Variants in PKIB observed in about 807,000 individuals in gnomAD.
The protein encoded by PKIB is PKI-beta.
PKIB carries 2 observed loss-of-function variants against 4.5 expected under a neutral mutation model. The ratio of observed to expected loss-of-function variants is 0.44; its 90% CI spans 0.18 to 1.39. PKIB has a LOEUF of 1.39. PKIB is among the 40% of genes most tolerant of loss of function. The probability of loss-of-function intolerance (pLI) is 0.27; values close to 1 mark genes in which losing one functional copy is unlikely to be tolerated. For synonymous variants in PKIB, 38 were observed against 36.0 expected, an observed-to-expected ratio of 1.06 and a Z score of -0.20; for missense variants, 94 against 92.6, an observed-to-expected ratio of 1.02 and a Z score of -0.06.
intron 1 of PKIB, among the ~76,000 whole-genome samples, chr6:122,632,448 C>A (rs149652873): frequency 6.6e-6 from 1 of 152,124 alleles, no homozygotes; most frequent in African/African-American, 2.4e-5. Context: ...AGTGAAAGGG[C>A]GTCTGGTTAA....
intron 3 of PKIB, among the ~76,000 whole-genome samples, chr6:122,699,182 A>G (rs1331372113): frequency 6.6e-6 from 1 of 152,012 alleles, no homozygotes; most frequent in African/African-American, 2.4e-5. Flanking sequence ...GCGCACCAGC[A>G]TGGCACATGT....
intron 2 of PKIB, among the ~76,000 whole-genome samples, chr6:122,636,679 A>G (rs1457495858): frequency 6.6e-6 from 1 of 152,114 alleles, no homozygotes; most frequent in Non-Finnish European, 1.5e-5. Context: ...TTTAAAATCC[A>G]AAAAAGGATT....
chr6:122,582,453 A>G (rs1376022380), intron 2 of PKIB, among the ~76,000 whole-genome samples: 1 of 152,108 alleles, frequency 6.6e-6, no homozygotes, highest in Non-Finnish European at 1.5e-5. Context: ...TTTATATTCC[A>G]TAATGTGACA....
intron 2 of PKIB, among the ~76,000 whole-genome samples, chr6:122,663,126 T>C (rs1363108059): frequency 6.6e-6 from 1 of 152,206 alleles, no homozygotes; most frequent in Non-Finnish European, 1.5e-5. Flanking sequence ...TATCTGTTAA[T>C]ACCCACAGAT....
intron 2 of PKIB, among the ~76,000 whole-genome samples, chr6:122,572,616 A>C (rs1377523035): frequency 1.3e-5 from 2 of 151,918 alleles, no homozygotes; most frequent in Admixed American, 1.3e-4. Flanking sequence ...AAGGAAAAAA[A>C]AAACAAAGAT....
At chr6:122,653,558 G>A (rs888706913) in intron 2 of PKIB, among the ~76,000 whole-genome samples, 4 of 151,732 alleles carry the variant, frequency 2.6e-5, no homozygotes, top group African/African-American at 9.7e-5. Context: ...GGATGAGGTG[G>A]GGGGAATTTG....
chr6:122,577,812 G>C (rs934065733), intron 2 of PKIB, among the ~76,000 whole-genome samples: 1 of 151,718 alleles, frequency 6.6e-6, no homozygotes, highest in African/African-American at 2.4e-5. Flanking sequence ...AGGAGGCTGA[G>C]GCAGGAGAAT....
At position 122,547,434 on chromosome 6, in the gene PKIB, C is replaced by G. The variant is rs563869122; in HGVS notation, c.-247-38487C>G. 1.5e-4 allele frequency among the ~76,000 whole-genome samples: 23 copies of G among 152,210 alleles called. 1 individual carries two copies. In the South Asian group the frequency reaches 2.9e-3, roughly 19 times the overall value. ...CACTGCAACCTCCGCCTCCTGGATT[C>G]AAGCGATTCTCCTGCCTCAGCCTCC... On this transcript the variant is annotated intron_variant, in intron 2 of 6. Transcript: ENST00000392491.
At chr6:122,595,944 T>C (rs983071578) in intron 3 of PKIB, among the ~76,000 whole-genome samples, 2 of 152,196 alleles carry the variant, frequency 1.3e-5, no homozygotes, top group African/African-American at 4.8e-5. Context: ...GAAACAAATA[T>C]CTTCACAGTT....
intron 2 of PKIB, among the ~76,000 whole-genome samples, chr6:122,502,600 G>T (rs915058420): frequency 6.6e-6 from 1 of 152,018 alleles, no homozygotes; most frequent in African/African-American, 2.4e-5. Context: ...GAGCAGAAAG[G>T]GGAAAGTCTG....
chr6:122,713,161 A>T (rs1343011766), intron 3 of PKIB, among the ~76,000 whole-genome samples: 1 of 152,064 alleles, frequency 6.6e-6, no homozygotes. Flanking sequence ...TTCAATAGAG[A>T]TAGAAGTGTG....
intron 2 of PKIB, among the ~76,000 whole-genome samples, chr6:122,576,710 A>ATATATATATATTTTTT (rs59569106): frequency 9.1e-6 from 1 of 110,034 alleles, no homozygotes; most frequent in African/African-American, 4.0e-5. Flanking sequence ...ATATATATAT[A>ATATATATATATTTTTT]TTTTCTTTTG....
intron 2 of PKIB, among the ~76,000 whole-genome samples, chr6:122,553,481 C>CTTTTGTTTTTTTTTTTTTT (rs1772746731): frequency 1.5e-5 from 1 of 65,838 alleles, no homozygotes; most frequent in Non-Finnish European, 2.7e-5. Context: ...CAAATATCTT[C>CTTTTGTTTTTTTTTTTTTT]TTTTTTTTTT....
chr6:122,709,195 G>A (rs1399124690), intron 3 of PKIB, among the ~76,000 whole-genome samples: 1 of 152,100 alleles, frequency 6.6e-6, no homozygotes, highest in Non-Finnish European at 1.5e-5. Context: ...AATCAACAAA[G>A]AAGTTAGATG....
intron 2 of PKIB, among the ~76,000 whole-genome samples, chr6:122,487,493 TA>T (rs1223205523): frequency 6.6e-6 from 1 of 152,166 alleles, no homozygotes; most frequent in Non-Finnish European, 1.5e-5. Flanking sequence ...ATGAGGTTGT[TA>T]GGGGACAGCC....
intron 1 of PKIB, among the ~76,000 whole-genome samples, chr6:122,472,269 C>T (rs1775325620): frequency 6.6e-6 from 1 of 152,266 alleles, no homozygotes; most frequent in African/African-American, 2.4e-5. Context: ...CGTATTCCTG[C>T]AGCCCGCTGC....
chr6:122,472,372 C>A lies in PKIB; in HGVS notation c.-337+331C>A, dbSNP rs145607308. ...TTGCTATTGACTTATATTTTAATTTCTTATGCTATTAAGATGTTACAAGAA... is the reference window on the plus strand; with the variant it reads ...TTGCTATTGACTTATATTTTAATTTATTATGCTATTAAGATGTTACAAGAA... On this transcript the variant is annotated intron_variant, in intron 1 of 6. Transcript: ENST00000392491. 4.9e-4 allele frequency among the ~76,000 whole-genome samples: 74 copies of A among 152,252 alleles called. No individual in the cohort carries two copies. The East Asian group carries it at 0.01, about 21-fold the overall frequency.
intron 3 of PKIB, among the ~76,000 whole-genome samples, chr6:122,704,950 C>T (rs907411288): frequency 5.9e-5 from 9 of 152,202 alleles, no homozygotes; most frequent in East Asian, 5.8e-4. Flanking sequence ...TCTAACTATT[C>T]GGGAGGCAGA....
intron 2 of PKIB, among the ~76,000 whole-genome samples, chr6:122,564,709 C>A (rs1291508305): frequency 6.6e-6 from 1 of 152,134 alleles, no homozygotes; most frequent in East Asian, 1.9e-4. Context: ...TTTTATTTAA[C>A]AGTTTCATAT....
Sources: gnomAD v4.1 joint callset for allele counts (sites outside exome capture counted in the v4.1 genomes callset) on GRCh38, gnomAD v4.1.1 for gene constraint, MANE v1.5 for transcripts, NCBI Gene and HGNC (gene_info 2026-07-23, HGNC 2026-07-21) for gene names.